The following AKAP10 variants were observed in gnomAD, a reference collection of about 807,000 sequenced individuals.
The protein encoded by AKAP10 is A-kinase anchor protein 10, mitochondrial.
A neutral mutation model predicts 80.8 loss-of-function variants in AKAP10; 24 were observed. The ratio of observed to expected loss-of-function variants is 0.30; its 90% CI spans 0.22 to 0.42. The LOEUF is 0.42. Ranked by LOEUF, AKAP10 falls within the 10% of genes least tolerant of loss-of-function variation. The pLI is 1.00. For synonymous variants in AKAP10, 291 were observed against 277.7 expected, an observed-to-expected ratio of 1.05 and a Z score of -0.48; for missense variants, 661 against 794.9, an observed-to-expected ratio of 0.83 and a Z score of 2.03.
intron 5 of AKAP10, 24 bp downstream of exon 5, chr17:19,947,383 G>C: frequency 6.8e-7 from 1 of 1,480,424 alleles, no homozygotes; most frequent in East Asian, 2.3e-5. Context: ...TTTTTTTTTT[G>C]CCATAGTTTC....
chr17:19,925,607 T>C (rs571069149), intron 10 of AKAP10, among the ~76,000 whole-genome samples: 1 of 152,312 alleles, frequency 6.6e-6, no homozygotes, highest in East Asian at 1.9e-4. Context: ...CACTGCAGCA[T>C]TGTTTAAAAT....
At chr17:19,914,952 AAGAGGCT>A (rs2042729578) in intron 12 of AKAP10, among the ~76,000 whole-genome samples, 1 of 152,216 alleles carries the variant, frequency 6.6e-6, no homozygotes, top group Non-Finnish European at 1.5e-5. Flanking sequence ...GGTAACAGCA[AAGAGGCT>A]AGATTTCATT....
chr17:19,943,951 G>A (rs1341297179), intron 5 of AKAP10, among the ~76,000 whole-genome samples: 1 of 152,088 alleles, frequency 6.6e-6, no homozygotes, highest in Admixed American at 6.5e-5. Flanking sequence ...AGTCATGGAA[G>A]GGTTCTGTTT....
intron 4 of AKAP10, among the ~76,000 whole-genome samples, chr17:19,955,277 G>T (rs1476841800): frequency 6.6e-6 from 1 of 152,030 alleles, no homozygotes; most frequent in Non-Finnish European, 1.5e-5. Context: ...GACGGAGAAA[G>T]ATCAGCGGTT....
intron 5 of AKAP10, among the ~76,000 whole-genome samples, chr17:19,944,680 T>C (rs998472587): frequency 6.6e-6 from 1 of 152,012 alleles, no homozygotes; most frequent in Non-Finnish European, 1.5e-5. Flanking sequence ...AAACAAAAAA[T>C]GCAGTCATGC....
At chr17:19,917,850 G>A (rs1475048975) in intron 12 of AKAP10, among the ~76,000 whole-genome samples, 4 of 151,586 alleles carry the variant, frequency 2.6e-5, no homozygotes, top group Admixed American at 6.6e-5. Context: ...TAGAACCTGG[G>A]GGGCAGAGGT....
At chr17:19,944,468 G>T (rs186573866) in intron 5 of AKAP10, among the ~76,000 whole-genome samples, 1 of 152,026 alleles carries the variant, frequency 6.6e-6, no homozygotes, top group Non-Finnish European at 1.5e-5. Flanking sequence ...TGGCCAACAC[G>T]GTGAAACCCC....
intron 2 of AKAP10, among the ~76,000 whole-genome samples, chr17:19,966,427 A>G (rs1310306808): frequency 6.6e-6 from 1 of 152,002 alleles, no homozygotes; most frequent in Non-Finnish European, 1.5e-5. Context: ...TTTTTTGTTC[A>G]CCGTTATAGT....
intron 1 of AKAP10, among the ~76,000 whole-genome samples, chr17:19,971,534 C>T (rs563469354): frequency 4.7e-4 from 72 of 151,810 alleles, no homozygotes; most frequent in Non-Finnish European, 6.6e-4. Context: ...ATTAATTACA[C>T]AAATGACACT....
intron 4 of AKAP10, among the ~76,000 whole-genome samples, chr17:19,954,528 A>G (rs1255380386): frequency 2.0e-5 from 3 of 147,494 alleles, no homozygotes; most frequent in Admixed American, 6.9e-5. Flanking sequence ...TGTGTTGCCC[A>G]GGCTGGAGTG....
chr17:19,927,727 T>C (rs1477443188), intron 10 of AKAP10, among the ~76,000 whole-genome samples: 2 of 150,996 alleles, frequency 1.3e-5, no homozygotes, highest in East Asian at 2.0e-4. Flanking sequence ...CTGGCCAACA[T>C]GGTGAAACCC....
intron 12 of AKAP10, among the ~76,000 whole-genome samples, chr17:19,918,200 G>C (rs203454): frequency 0.29 from 41,416 of 142,730 alleles, 6,233 homozygotes; most frequent in African/African-American, 0.39. Context: ...AGCTCTGGGC[G>C]ACACAGCAAG....
At chr17:19,915,265 C>T (rs1029350989) in intron 12 of AKAP10, among the ~76,000 whole-genome samples, 12 of 152,112 alleles carry the variant, frequency 7.9e-5, no homozygotes, top group African/African-American at 2.9e-4. Flanking sequence ...GTGTAACTTC[C>T]AGTTTACAAG....
At chr17:19,964,900 AAACAAC>A (rs200205127) in intron 2 of AKAP10, among the ~76,000 whole-genome samples, 3 of 152,200 alleles carry the variant, frequency 2.0e-5, no homozygotes, top group Non-Finnish European at 2.9e-5. Context: ...GTCTCAGAAA[AAACAAC>A]AACAACAACA....
intron 8 of AKAP10, 130 bp downstream of exon 8, chr17:19,939,582 TA>T: frequency 9.5e-7 from 1 of 1,053,084 alleles, no homozygotes; most frequent in Non-Finnish European, 1.3e-6. Flanking sequence ...AAACACCATA[TA>T]AAAGCAGCTT....
chr17:19,965,524 T>A (rs542323372), intron 2 of AKAP10, among the ~76,000 whole-genome samples: 1 of 152,206 alleles, frequency 6.6e-6, no homozygotes, highest in Non-Finnish European at 1.5e-5. Flanking sequence ...TTCATCTCAA[T>A]CTTTCTGTAA....
intron 2 of AKAP10, among the ~76,000 whole-genome samples, chr17:19,963,484 TAACA>T (rs1321138132): frequency 2.6e-5 from 4 of 152,152 alleles, no homozygotes; most frequent in Non-Finnish European, 5.9e-5. Context: ...GGATAAAAAG[TAACA>T]AAGCCAGAAA....
At chr17:19,946,237 T>TTATATATATA (rs1171891537) in intron 5 of AKAP10, among the ~76,000 whole-genome samples, 20 of 15,166 alleles carry the variant, frequency 1.3e-3, no homozygotes, top group African/African-American at 2.9e-3. Flanking sequence ...TATATATATA[T>TTATATATATA]TATATATATA....
At chr17:19,924,019 A>G (rs553213813) in intron 11 of AKAP10, among the ~76,000 whole-genome samples, 11 of 152,352 alleles carry the variant, frequency 7.2e-5, no homozygotes, top group Admixed American at 5.2e-4. Flanking sequence ...TAAGTGGCAT[A>G]TCCTATGAAT....
Sources: gnomAD v4.1 joint callset for allele counts (sites outside exome capture counted in the v4.1 genomes callset) on GRCh38, gnomAD v4.1.1 for gene constraint, MANE v1.5 for transcripts, NCBI Gene and HGNC (gene_info 2026-07-23, HGNC 2026-07-21) for gene names.